The following CLEC2A variants were observed in gnomAD, a reference collection of about 807,000 sequenced individuals.
The protein encoded by CLEC2A is C-type lectin domain family 2 member A, also known as keratinocyte-associated C-type lectin.
A neutral mutation model predicts 18.6 loss-of-function variants in CLEC2A; 19 were observed. The observed-to-expected ratio is 1.02, with a 90% CI of 0.71 to 1.50. CLEC2A has a LOEUF of 1.50. Ranked by LOEUF, CLEC2A falls within the 40% of genes most tolerant of loss-of-function variation. The pLI is 0.00. For missense variants in CLEC2A, 190 were observed against 207.9 expected, an observed-to-expected ratio of 0.91 and a Z score of 0.53; for synonymous variants, 74 against 64.0, an observed-to-expected ratio of 1.16 and a Z score of -0.75.
the CLEC2A span, chr12:9,881,802 T>C: frequency 1.5e-6 from 1 of 689,178 alleles, no homozygotes; most frequent in Non-Finnish European, 2.4e-6. Flanking sequence ...GTCTGTTAGA[T>C]TATTTAGATT....
chr12:9,881,597 T>G, the CLEC2A span: 1 of 1,530,236 alleles, frequency 6.5e-7, no homozygotes, highest in Non-Finnish European at 8.8e-7. Context: ...TTTGAAGAGA[T>G]GGAGAATGAA....
At chr12:9,882,108 GA>G in the CLEC2A span, among the ~76,000 whole-genome samples, 420 of 144,486 alleles carry the variant, frequency 2.9e-3, 1 homozygote, top group Non-Finnish European at 3.9e-3. Context: ...CGAGAAGAGA[GA>G]AAAAAAAACA....
downstream of CLEC2A, among the ~76,000 whole-genome samples, chr12:9,912,799 G>C (rs1863007510): frequency 6.6e-6 from 1 of 152,128 alleles, no homozygotes; most frequent in African/African-American, 2.4e-5. Context: ...ACTTCCCAAG[G>C]CTCCACCTCA....
At chr12:9,893,376 C>A in the CLEC2A span, 1 of 909,764 alleles carries the variant, frequency 1.1e-6, no homozygotes, top group Non-Finnish European at 1.7e-6. Flanking sequence ...CTATAGAAGG[C>A]ATCAAAATTT....
chr12:9,910,266 G>A (rs1348630856), downstream of CLEC2A, among the ~76,000 whole-genome samples: 2 of 152,120 alleles, frequency 1.3e-5, no homozygotes, highest in Non-Finnish European at 2.9e-5. Context: ...CAACTATCAG[G>A]AGGAATTTCA....
the CLEC2A span, chr12:9,893,282 A>G: frequency 1.0e-6 from 1 of 975,580 alleles, no homozygotes; most frequent in South Asian, 1.9e-5. Context: ...TGTGTTAGCC[A>G]CAATGTAGTC....
At chr12:9,893,280 C>A in the CLEC2A span, 1 of 993,934 alleles carries the variant, frequency 1.0e-6, no homozygotes, top group Non-Finnish European at 1.4e-6. Context: ...CATGTGTTAG[C>A]CACAATGTAG....
chr12:9,931,207 C>G (rs1213408782), intron 1 of CLEC2A, among the ~76,000 whole-genome samples: 2 of 152,150 alleles, frequency 1.3e-5, no homozygotes, highest in Non-Finnish European at 2.9e-5. Context: ...GTTACCCAGA[C>G]AAGCCTGACT....
chr12:9,910,733 G>GTA (rs1374977586), downstream of CLEC2A, among the ~76,000 whole-genome samples: 1 of 152,098 alleles, frequency 6.6e-6, no homozygotes, highest in Admixed American at 6.5e-5. Flanking sequence ...TGGTAGGTAG[G>GTA]TAAGAATCCT....
chr12:9,912,355 C>T (rs1289428724), downstream of CLEC2A, among the ~76,000 whole-genome samples: 1 of 152,002 alleles, frequency 6.6e-6, no homozygotes, highest in Non-Finnish European at 1.5e-5. Flanking sequence ...AGTGAGGAGA[C>T]CCCACTTGCC....
the CLEC2A span, among the ~76,000 whole-genome samples, chr12:9,885,340 T>C: frequency 6.6e-6 from 1 of 151,618 alleles, no homozygotes; most frequent in Admixed American, 6.6e-5. Context: ...TAAGTATATA[T>C]ATATATATAT....
At chr12:9,908,253 C>T (rs1409944351), downstream of CLEC2A, among the ~76,000 whole-genome samples, 3 of 152,292 alleles carry the variant, frequency 2.0e-5, no homozygotes, top group East Asian at 5.8e-4. Context: ...GTGTCTTTCA[C>T]CCACACTGGT....
chr12:9,922,365 G>A (rs927499905), intron 2 of CLEC2A, 133 bp from the exon 3 acceptor site: 10 of 598,600 alleles, frequency 1.7e-5, no homozygotes, highest in Non-Finnish European at 2.4e-5. Context: ...TCCCCAGAAT[G>A]AGGATGAATT....
the CLEC2A span, among the ~76,000 whole-genome samples, chr12:9,892,661 C>T: frequency 0.01 from 1,509 of 150,182 alleles, 17 homozygotes; most frequent in Admixed American, 0.016. Context: ...CACGGCTCAC[C>T]GCAACCTCCA....
At chr12:9,890,077 CCAT>C in the CLEC2A span, among the ~76,000 whole-genome samples, 3 of 152,066 alleles carry the variant, frequency 2.0e-5, no homozygotes, top group African/African-American at 7.2e-5. Flanking sequence ...TGTATCTCCA[CCAT>C]CATCACTCCC....
At chr12:9,912,335 G>A (rs977590374), downstream of CLEC2A, among the ~76,000 whole-genome samples, 2 of 152,098 alleles carry the variant, frequency 1.3e-5, no homozygotes, top group Admixed American at 6.6e-5. Context: ...CCTGCATGGA[G>A]GGGAGGCAGA....
the CLEC2A span, chr12:9,881,763 A>T: frequency 1.2e-6 from 1 of 853,696 alleles, no homozygotes; most frequent in East Asian, 2.7e-5. Context: ...CATTGATCAT[A>T]ATAAGGAATA....
chr12:9,918,919 G>A (rs571256593), intron 3 of CLEC2A, among the ~76,000 whole-genome samples: 2 of 152,172 alleles, frequency 1.3e-5, no homozygotes, highest in African/African-American at 4.8e-5. Flanking sequence ...GTCTTTATTT[G>A]AAGGTGACTT....
the CLEC2A span, among the ~76,000 whole-genome samples, chr12:9,886,617 C>A: frequency 6.2e-4 from 94 of 151,292 alleles, no homozygotes; most frequent in African/African-American, 2.3e-3. Context: ...ATGCTTATTA[C>A]CAATTAAATT....
Sources: gnomAD v4.1 joint callset for allele counts (sites outside exome capture counted in the v4.1 genomes callset) on GRCh38, gnomAD v4.1.1 for gene constraint, MANE v1.5 for transcripts, NCBI Gene and HGNC (gene_info 2026-07-23, HGNC 2026-07-21) for gene names.